The following TRPM7 variants were observed in gnomAD, a reference collection of about 807,000 sequenced individuals.
TRPM7 encodes the protein transient receptor potential cation channel subfamily M member 7, also known as LTRPC ion channel family member 7.
Under a neutral mutation model 229.7 loss-of-function variants are expected in TRPM7, and 134 were observed. The observed-to-expected ratio is 0.58, with a 90% CI of 0.51 to 0.67. The LOEUF (loss-of-function observed/expected upper bound fraction) is 0.67, where lower values mean the gene tolerates loss of function less well. Ranked by LOEUF, TRPM7 falls within the 30% of genes least tolerant of loss-of-function variation. TRPM7 has a pLI of 0.00. For missense variants in TRPM7, 1,901 were observed against 2,210.0 expected (o/e 0.86, Z 2.80); for synonymous variants, 699 against 715.2 (o/e 0.98, Z 0.36).
intron 38 of TRPM7, among the ~76,000 whole-genome samples, chr15:50,568,962 AAC>A (rs2053743801): frequency 1.3e-5 from 2 of 152,166 alleles, no homozygotes; most frequent in South Asian, 4.1e-4. Context: ...CAGCCTGAGC[AAC>A]AGAGTGAGAC....
intron 13 of TRPM7, among the ~76,000 whole-genome samples, chr15:50,616,509 T>G (rs142959674): frequency 3.7e-4 from 57 of 152,178 alleles, no homozygotes; most frequent in African/African-American, 1.3e-3. Context: ...AAGCAAATCA[T>G]TAGATTAATA....
At position 50,592,345 on chromosome 15, in the gene TRPM7, G is replaced by A. The variant is rs767805578; in HGVS notation, c.3890C>T (p.Thr1297Ile). The change falls in exon 26 of 39, where the codon ACA becomes ATA. Residue 1297 changes from threonine to isoleucine, a missense_variant. Coordinates refer to ENST00000646667, the MANE Select transcript of TRPM7 (RefSeq NM_017672.6). ...SVWKKHGVVN[T>I]LSSSLPQGDL... ...ACCTTGAGGAAGAGAGGAGCTAAGTGTATTTACAACACCATGCTTTTTCCA... is the reference window on the plus strand; with the variant it reads ...ACCTTGAGGAAGAGAGGAGCTAAGTATATTTACAACACCATGCTTTTTCCA... 2 of 1,614,096 alleles carry A rather than the reference G, an allele frequency of 1.2e-6. No individual in the cohort carries two copies. The highest frequency in any genetic ancestry group is 1.7e-6 in the Non-Finnish European group (2 of 1,179,974).
intron 2 of TRPM7, among the ~76,000 whole-genome samples, chr15:50,662,650 T>C (rs1323834897): frequency 3.3e-5 from 5 of 151,990 alleles, no homozygotes; most frequent in Non-Finnish European, 7.4e-5. Flanking sequence ...TATCAGTGAA[T>C]CCATTAAAAA....
intron 22 of TRPM7, among the ~76,000 whole-genome samples, chr15:50,597,290 T>G (rs2059658418): frequency 6.6e-6 from 1 of 152,188 alleles, no homozygotes; most frequent in Non-Finnish European, 1.5e-5. Flanking sequence ...ATAAAGTAAA[T>G]TAGGCAGGGC....
intron 30 of TRPM7, among the ~76,000 whole-genome samples, chr15:50,579,881 G>A (rs1430167090): frequency 1.3e-5 from 2 of 152,048 alleles, no homozygotes; most frequent in African/African-American, 4.8e-5. Flanking sequence ...CTACTCCTGC[G>A]CTCAAACAAT....
intron 3 of TRPM7, 100 bp from the exon 4 acceptor site, chr15:50,648,985 TTTTTATA>T (rs2061344193): frequency 3.7e-6 from 3 of 812,766 alleles, no homozygotes; most frequent in African/African-American, 1.8e-5. Flanking sequence ...AGCTTTAAAA[TTTTTATA>T]TTTTATATAA....
At position 50,574,489 on chromosome 15, in the gene TRPM7, AAT is replaced by A. The variant is rs1212048301; in HGVS notation, c.5103-12_5103-11del. ...GAAAACTTCAAGGAACCTTATAAAAAATAGTTATAAATATTACTAGCAGTTTT... is the reference window on the plus strand; with the variant it reads ...GAAAACTTCAAGGAACCTTATAAAAAAGTTATAAATATTACTAGCAGTTTT... On this transcript the variant is annotated splice_polypyrimidine_tract_variant and intron_variant, in intron 35 of 38. Transcript: ENST00000646667. 7 of 1,593,008 alleles carry A rather than the reference AAT, an allele frequency of 4.4e-6. No individual in the cohort carries two copies. The highest frequency in any genetic ancestry group is 6.0e-6 in the Non-Finnish European group (7 of 1,169,808).
chr15:50,648,394 A>G (rs1462913278), intron 4 of TRPM7, among the ~76,000 whole-genome samples: 1 of 152,244 alleles, frequency 6.6e-6, no homozygotes, highest in Non-Finnish European at 1.5e-5. Flanking sequence ...ATTAAAAGAC[A>G]TCTCTTAAAC....
chr15:50,583,245 C>T, intron 28 of TRPM7, 86 bp from the exon 29 acceptor site: 1 of 871,312 alleles, frequency 1.1e-6, no homozygotes, highest in East Asian at 2.7e-5. Context: ...ATTCTAGGCA[C>T]AGTATAACCT....
At chr15:50,580,803 G>T in intron 30 of TRPM7, 71 bp downstream of exon 30, 1 of 1,395,786 alleles carries the variant, frequency 7.2e-7, no homozygotes, top group South Asian at 1.4e-5. Context: ...ATGATGTAAA[G>T]AGCAGGAAAA....
At chr15:50,659,005 T>C (rs910900553) in intron 2 of TRPM7, among the ~76,000 whole-genome samples, 1 of 151,972 alleles carries the variant, frequency 6.6e-6, no homozygotes, top group Non-Finnish European at 1.5e-5. Context: ...AAGACCATCC[T>C]GGCTAACGCA....
Position 50,628,136 on chromosome 15 carries a change from A to G in TRPM7, c.1305+13T>C, listed in dbSNP as rs548401533. ...TAATTTAATTGTATTGTGTATGTAG[A>G]TTATTTACATACCAGCCACTGCTGT... On this transcript the variant is annotated intron_variant, in intron 11 of 38. Transcript: ENST00000646667. 36 of 1,566,454 alleles carry G rather than the reference A, an allele frequency of 2.3e-5. No homozygotes were observed. In the East Asian group the frequency reaches 6.7e-4, roughly 29 times the overall value.
intron 29 of TRPM7, among the ~76,000 whole-genome samples, chr15:50,581,740 C>T (rs2054424435): frequency 6.6e-6 from 1 of 152,056 alleles, no homozygotes; most frequent in African/African-American, 2.4e-5. Flanking sequence ...TTTGAATCTT[C>T]ACATATTTTA....
At chr15:50,625,903 T>C (rs2060544427) in intron 11 of TRPM7, among the ~76,000 whole-genome samples, 1 of 151,742 alleles carries the variant, frequency 6.6e-6, no homozygotes, top group South Asian at 2.1e-4. Context: ...TAGTTTATCA[T>C]GGCATCGTAC....
At chr15:50,668,496 A>G (rs1034843261) in intron 1 of TRPM7, among the ~76,000 whole-genome samples, 1 of 151,948 alleles carries the variant, frequency 6.6e-6, no homozygotes, top group Non-Finnish European at 1.5e-5. Flanking sequence ...ACTTATGGCA[A>G]TAGATTTGTT....
intron 5 of TRPM7, 54 bp downstream of exon 5, chr15:50,643,286 T>C: frequency 2.3e-6 from 3 of 1,291,062 alleles, no homozygotes; most frequent in South Asian, 1.3e-5. Context: ...AGAGTCCGTC[T>C]CAAAAAAAAA....
intron 38 of TRPM7, among the ~76,000 whole-genome samples, chr15:50,565,083 G>T (rs1477230026): frequency 6.6e-6 from 1 of 151,906 alleles, no homozygotes; most frequent in Non-Finnish European, 1.5e-5. Flanking sequence ...TCGGGTTCAA[G>T]CAATTCGCCT....
At chr15:50,585,909 A>G (rs1013756581) in intron 28 of TRPM7, among the ~76,000 whole-genome samples, 1 of 152,232 alleles carries the variant, frequency 6.6e-6, no homozygotes, top group East Asian at 1.9e-4. Context: ...AATGAGAGGT[A>G]TAAGATTGTA....
chr15:50,631,036 C>T (rs530962348), intron 10 of TRPM7, among the ~76,000 whole-genome samples: 2 of 152,160 alleles, frequency 1.3e-5, no homozygotes, highest in African/African-American at 4.8e-5. Context: ...CTATCTTGTC[C>T]AGGCTGGTCT....
Sources: gnomAD v4.1 joint callset for allele counts (sites outside exome capture counted in the v4.1 genomes callset) on GRCh38, gnomAD v4.1.1 for gene constraint, MANE v1.5 for transcripts, NCBI Gene and HGNC (gene_info 2026-07-23, HGNC 2026-07-21) for gene names.